Variants in ERMP1 observed in about 807,000 individuals in gnomAD.
The protein encoded by ERMP1 is Felix-ina.
In ERMP1, 86 loss-of-function variants were observed where a neutral mutation model predicts 92.0. The ratio of observed to expected loss-of-function variants is 0.93; its 90% CI spans 0.79 to 1.12. The LOEUF is 1.12. Among genes scored for constraint, ERMP1 ranks in the 50% most tolerant of loss-of-function variants. The probability of loss-of-function intolerance (pLI) is 0.00; values close to 1 mark genes in which losing one functional copy is unlikely to be tolerated. For synonymous variants in ERMP1, 530 were observed against 412.8 expected (o/e 1.28, Z -3.44); for missense variants, 1,342 against 1,116.3 (o/e 1.20, Z -2.88).
intron 5 of ERMP1, among the ~76,000 whole-genome samples, chr9:5,861,717 G>GTTTTTTTTT (rs34804675): frequency 6.0e-5 from 4 of 66,232 alleles, no homozygotes; most frequent in Non-Finnish European, 1.1e-4. Flanking sequence ...GAGAGGAAGG[G>GTTTTTTTTT]TTTTTTTTTT....
intron 2 of ERMP1, among the ~76,000 whole-genome samples, chr9:5,826,061 C>CT (rs1398979119): frequency 6.6e-6 from 1 of 152,030 alleles, no homozygotes; most frequent in Non-Finnish European, 1.5e-5. Context: ...GAGTGAAATA[C>CT]TTTTAGAGAG....
intron 8 of ERMP1, among the ~76,000 whole-genome samples, chr9:5,806,100 C>A (rs1171024645): frequency 1.3e-5 from 2 of 152,190 alleles, no homozygotes; most frequent in African/African-American, 4.8e-5. Flanking sequence ...AAAAAACAAT[C>A]ATCTCTGTAA....
intron 8 of ERMP1, among the ~76,000 whole-genome samples, chr9:5,809,006 A>C (rs1296821018): frequency 2.0e-5 from 3 of 152,130 alleles, no homozygotes; most frequent in Non-Finnish European, 4.4e-5. Flanking sequence ...GGCATGAGCC[A>C]CAGCACCCAG....
chr9:5,860,770 G>A (rs1366812927), intron 5 of ERMP1, among the ~76,000 whole-genome samples: 1 of 151,992 alleles, frequency 6.6e-6, no homozygotes, highest in Non-Finnish European at 1.5e-5. Flanking sequence ...AAACTGTAGA[G>A]ACAGTCTCCC....
At chr9:5,866,303 C>T (rs979498537) in intron 5 of ERMP1, among the ~76,000 whole-genome samples, 22 of 152,066 alleles carry the variant, frequency 1.4e-4, no homozygotes, top group African/African-American at 4.1e-4. Flanking sequence ...TCTTCTGTTT[C>T]GGGGAACAGA....
chr9:5,813,517 G>C (rs920012543), intron 4 of ERMP1, among the ~76,000 whole-genome samples: 1 of 151,784 alleles, frequency 6.6e-6, no homozygotes, highest in Non-Finnish European at 1.5e-5. Flanking sequence ...TTACTTTTTC[G>C]GATTTTGGAA....
At chr9:5,861,635 A>C (rs1830497185) in intron 5 of ERMP1, among the ~76,000 whole-genome samples, 1 of 151,142 alleles carries the variant, frequency 6.6e-6, no homozygotes, top group East Asian at 1.9e-4. Flanking sequence ...GGAAAGTACT[A>C]AGCCAGTAAG....
chr9:5,799,058 T>G, intron 11 of ERMP1, 50 bp from the exon 12 acceptor site: 1 of 1,318,792 alleles, frequency 7.6e-7, no homozygotes, highest in South Asian at 1.2e-5. Flanking sequence ...TACACCCACA[T>G]TCCCACCCCA....
At chr9:5,837,502 G>A (rs146457231), upstream of ERMP1, among the ~76,000 whole-genome samples, 15 of 151,990 alleles carry the variant, frequency 9.9e-5, no homozygotes, top group East Asian at 2.1e-3. Context: ...TATCATAAAG[G>A]GAAAAATCAC....
At chr9:5,790,096 T>G (rs1413882537) in intron 13 of ERMP1, among the ~76,000 whole-genome samples, 1 of 151,082 alleles carries the variant, frequency 6.6e-6, no homozygotes, top group African/African-American at 2.4e-5. Flanking sequence ...GGATGGAAAA[T>G]GGGAGAGAGA....
At chr9:5,826,069 G>A (rs185147118) in intron 2 of ERMP1, among the ~76,000 whole-genome samples, 8 of 152,298 alleles carry the variant, frequency 5.3e-5, no homozygotes, top group Admixed American at 5.2e-4. Context: ...TACTTTTAGA[G>A]AGGAACTGAT....
chr9:5,801,079 A>T, intron 11 of ERMP1, 97 bp downstream of exon 11: 1 of 1,305,802 alleles, frequency 7.7e-7, no homozygotes, highest in Non-Finnish European at 1.1e-6. Context: ...ATAGGTCAAC[A>T]GCAGAAAAGT....
Position 5,850,626 on chromosome 9 carries a change from T to C in ERMP1, n.3199+8842A>G, listed in dbSNP as rs1008575548. Among the ~76,000 whole-genome samples the C allele has an allele frequency of 3.0e-4, 46 of 151,976 alleles. 1 individual carries two copies. Among genetic ancestry groups the C allele is most frequent in the African/African-American group, 1.1e-3 (45 of 41,358 alleles). On this transcript the variant is annotated intron_variant and non_coding_transcript_variant, in intron 6 of 6. Coordinates refer to the ERMP1 transcript ENST00000690753. ...ACTCTCACTCTACATAAGAACTAGA[T>C]GAAGCATCAGAAAAACCCAAAAACA...
At chr9:5,820,382 T>C (rs1189107924) in intron 4 of ERMP1, among the ~76,000 whole-genome samples, 1 of 152,226 alleles carries the variant, frequency 6.6e-6, no homozygotes, top group Non-Finnish European at 1.5e-5. Flanking sequence ...TATAAATGTA[T>C]ATTAATGTTT....
At chr9:5,792,009 ATCT>A (rs1828217671) in intron 13 of ERMP1, among the ~76,000 whole-genome samples, 1 of 152,200 alleles carries the variant, frequency 6.6e-6, no homozygotes, top group African/African-American at 2.4e-5. Flanking sequence ...GGGCAGAGAA[ATCT>A]TCATATTTTG....
intron 9 of ERMP1, 132 bp from the exon 10 acceptor site, chr9:5,805,349 G>T: frequency 1.4e-6 from 1 of 721,326 alleles, no homozygotes; most frequent in Non-Finnish European, 2.2e-6. Context: ...AAGGGTGTAT[G>T]TTATCTTGGA....
chr9:5,818,911 G>T (rs1160661071), intron 4 of ERMP1, among the ~76,000 whole-genome samples: 1 of 152,038 alleles, frequency 6.6e-6, no homozygotes, highest in Non-Finnish European at 1.5e-5. Context: ...CATCAGCACT[G>T]GGCATTATCA....
intron 4 of ERMP1, among the ~76,000 whole-genome samples, chr9:5,822,641 C>T (rs1829583616): frequency 6.6e-6 from 1 of 152,170 alleles, no homozygotes; most frequent in South Asian, 2.1e-4. Context: ...ACACAACACA[C>T]TCTTGAATAT....
intron 5 of ERMP1, 97 bp downstream of exon 5, chr9:5,812,792 T>A: frequency 7.6e-7 from 1 of 1,320,402 alleles, no homozygotes; most frequent in Non-Finnish European, 1.1e-6. Flanking sequence ...AAGAATTTGA[T>A]CTCAGAAAAT....
Sources: gnomAD v4.1 joint callset for allele counts (sites outside exome capture counted in the v4.1 genomes callset) on GRCh38, gnomAD v4.1.1 for gene constraint, MANE v1.5 for transcripts, NCBI Gene and HGNC (gene_info 2026-07-23, HGNC 2026-07-21) for gene names.